Variants in CRB1 observed in about 807,000 individuals in gnomAD.
The protein encoded by CRB1 is protein crumbs homolog 1.
CRB1 carries 83 observed loss-of-function variants against 120.0 expected under a neutral mutation model. The observed-to-expected ratio is 0.69, with a 90% CI of 0.58 to 0.83. The LOEUF is 0.83. CRB1 is among the 40% of genes least tolerant of loss of function. The pLI is 0.00. For synonymous variants in CRB1, 625 were observed against 612.5 expected (o/e 1.02, Z -0.30); for missense variants, 1,699 against 1,687.6 (o/e 1.01, Z -0.12).
the CRB1 span, among the ~76,000 whole-genome samples, chr1:197,230,862 C>T: frequency 6.6e-6 from 1 of 152,082 alleles, no homozygotes; most frequent in Non-Finnish European, 1.5e-5. Context: ...ATTGATTAAT[C>T]AAAAATCTTA....
the CRB1 span, among the ~76,000 whole-genome samples, chr1:197,241,699 T>C: frequency 2.0e-3 from 294 of 149,022 alleles, 3 homozygotes; most frequent in Non-Finnish European, 5.9e-4. Flanking sequence ...TCTTTTAAAG[T>C]AGTTTTTTTT....
rs563897118 is a variant in CRB1 at position 197,385,897 on chromosome 1, A to C, written c.1171+28884A>C. Reference sequence around the variant, plus strand: ...AGTTAACTACAATCAGAAGTGGTTAAAAAACAATCTAAGGGCTTGAAATTG... The same window carrying C: ...AGTTAACTACAATCAGAAGTGGTTACAAAACAATCTAAGGGCTTGAAATTG... On this transcript the variant is annotated intron_variant, in intron 5 of 11. Transcript: ENST00000367400. 3.4e-4 allele frequency among the ~76,000 whole-genome samples: 52 copies of C among 152,274 alleles called. No individual in the cohort carries two copies. In the South Asian group the frequency reaches 9.9e-3, roughly 29 times the overall value.
intron 5 of CRB1, among the ~76,000 whole-genome samples, chr1:197,405,749 C>T (rs1390392564): frequency 6.6e-6 from 1 of 150,962 alleles, no homozygotes; most frequent in Non-Finnish European, 1.5e-5. Flanking sequence ...AGTGAGGAGA[C>T]CCTCCGCCTG....
the CRB1 span, among the ~76,000 whole-genome samples, chr1:197,213,707 C>T: frequency 1.3e-5 from 2 of 151,864 alleles, no homozygotes; most frequent in Admixed American, 1.3e-4. Context: ...TGGTATGAAG[C>T]TAGAAATCAA....
the CRB1 span, among the ~76,000 whole-genome samples, chr1:197,240,588 G>A: frequency 6.6e-6 from 1 of 152,052 alleles, no homozygotes; most frequent in African/African-American, 2.4e-5. Flanking sequence ...TGGTGTATAT[G>A]TGCCACTTCT....
chr1:197,319,426 C>A (rs1658053608), intron 1 of CRB1, among the ~76,000 whole-genome samples: 1 of 64,246 alleles, frequency 1.6e-5, no homozygotes, highest in African/African-American at 6.9e-5. Flanking sequence ...GAGTGAGACT[C>A]CATCTCAAAA....
chr1:197,242,898 T>G, the CRB1 span, among the ~76,000 whole-genome samples: 1 of 152,184 alleles, frequency 6.6e-6, no homozygotes. Flanking sequence ...TTTTTTAGTC[T>G]TGGGAGGGTG....
chr1:197,376,209 A>T (rs568903456), intron 5 of CRB1, among the ~76,000 whole-genome samples: 2 of 152,290 alleles, frequency 1.3e-5, no homozygotes, highest in South Asian at 4.1e-4. Flanking sequence ...ATCTCATGTA[A>T]TCTCTTGACT....
intron 1 of CRB1, among the ~76,000 whole-genome samples, chr1:197,325,463 C>A (rs998433590): frequency 2.6e-5 from 4 of 152,054 alleles, no homozygotes; most frequent in Non-Finnish European, 5.9e-5. Flanking sequence ...TTGGAAATAT[C>A]AAATTTTATG....
In CRB1 at chr1:197,406,050, C is replaced by T. The variant is rs561841642; in HGVS notation, c.1172-14950C>T. 7.5e-4 allele frequency among the ~76,000 whole-genome samples: 114 copies of T among 152,066 alleles called. 3 individuals are homozygous for T. The South Asian group carries it at 0.023, about 30-fold the overall frequency. On this transcript the variant is annotated intron_variant, in intron 5 of 11. Coordinates refer to ENST00000367400, the MANE Select transcript of CRB1 (RefSeq NM_201253.3). ...CTGGGAAGTGAGGAGCCCCTCTGCC[C>T]GGCCACCACCCCGTCTGGGAGGTGT...
At chr1:197,262,103 A>C in the CRB1 span, among the ~76,000 whole-genome samples, 3 of 152,178 alleles carry the variant, frequency 2.0e-5, no homozygotes, top group African/African-American at 7.2e-5. Flanking sequence ...AAACTTGCAA[A>C]TTACTGATGA....
At position 197,293,565 on chromosome 1, in the gene CRB1, T is replaced by A. The variant is rs192278527; in HGVS notation, c.70+25083T>A. Among the ~76,000 whole-genome samples, 346 of 152,172 alleles carry A rather than the reference T, an allele frequency of 2.3e-3. 3 individuals carry two copies. Among genetic ancestry groups the A allele is most frequent in the African/African-American group, 8.0e-3 (332 of 41,516 alleles). ...TTCACAGAACTGGAAAAAACTACTTTAAAGTTCATATGGAACCAGAAAAGA... is the reference window on the plus strand; with the variant it reads ...TTCACAGAACTGGAAAAAACTACTTAAAAGTTCATATGGAACCAGAAAAGA... On this transcript the variant is annotated intron_variant, in intron 1 of 11. Transcript: ENST00000367400.
intron 6 of CRB1, 103 bp downstream of exon 6, chr1:197,422,059 ACCCCACAAGACTT>A: frequency 9.7e-7 from 1 of 1,027,172 alleles, no homozygotes; most frequent in Non-Finnish European, 1.5e-6. Flanking sequence ...AAACATAATG[ACCCCACAAGACTT>A]CTGCTGCTGG....
At chr1:197,473,371 T>C (rs1667062081) in intron 11 of CRB1, among the ~76,000 whole-genome samples, 1 of 152,162 alleles carries the variant, frequency 6.6e-6, no homozygotes, top group South Asian at 2.1e-4. Context: ...AGTTTCAAAA[T>C]AGGTTTTGAC....
intron 2 of CRB1, among the ~76,000 whole-genome samples, chr1:197,341,229 G>A (rs1659436997): frequency 6.6e-6 from 1 of 152,110 alleles, no homozygotes; most frequent in South Asian, 2.1e-4. Flanking sequence ...AACTGAAGAA[G>A]ACATTCTAGA....
intron 10 of CRB1, chr1:197,440,496 A>G (rs1303933467): frequency 2.0e-5 from 3 of 152,178 alleles, no homozygotes; most frequent in Non-Finnish European, 2.9e-5. Context: ...AAAGTCCTTA[A>G]CCATCATTAC....
At chr1:197,469,287 C>G (rs139246828) in intron 11 of CRB1, among the ~76,000 whole-genome samples, 1,690 of 152,264 alleles carry the variant, frequency 0.011, 14 homozygotes, top group Non-Finnish European at 0.017. Flanking sequence ...TGATATAGTT[C>G]GTTCCCACGA....
chr1:197,469,559 A>G (rs111563835), intron 11 of CRB1, among the ~76,000 whole-genome samples: 138 of 152,280 alleles, frequency 9.1e-4, no homozygotes, highest in African/African-American at 3.3e-3. Context: ...AGCTCATAGC[A>G]CTGAATGAGT....
intron 1 of CRB1, among the ~76,000 whole-genome samples, chr1:197,310,389 C>T (rs1027701703): frequency 6.6e-6 from 1 of 152,178 alleles, no homozygotes; most frequent in Non-Finnish European, 1.5e-5. Flanking sequence ...CCTAAATCCC[C>T]GTTTCTGGGC....
Sources: allele counts gnomAD v4.1 joint callset (sites outside exome capture counted in the v4.1 genomes callset), GRCh38; gene constraint gnomAD v4.1.1; transcripts MANE v1.5; gene names NCBI Gene and HGNC (gene_info 2026-07-23, HGNC 2026-07-21).